METTL15: variants seen among roughly 807,000 people sequenced by gnomAD.
METTL15 encodes 12S rRNA N(4)-cytidine methyltransferase METTL15.
Under a neutral mutation model 38.3 loss-of-function variants are expected in METTL15, and 34 were observed. The ratio of observed to expected loss-of-function variants is 0.89; its 90% CI spans 0.68 to 1.18. The LOEUF is 1.18. Ranked by LOEUF, METTL15 falls within the 50% of genes most tolerant of loss-of-function variation. The pLI is 0.00. For missense variants in METTL15, 438 were observed against 498.4 expected (o/e 0.88, Z 1.15); for synonymous variants, 162 against 170.9 (o/e 0.95, Z 0.41).
rs189519489 is a variant in METTL15, at chr11:28,124,589, G to A, written c.270+10985G>A. ...TGACTGAGGCTTAGAAATGAGGGTGGAGAGAAACTGTGGTGTTGAGGGAAA... is the reference window on the plus strand; with the variant it reads ...TGACTGAGGCTTAGAAATGAGGGTGAAGAGAAACTGTGGTGTTGAGGGAAA... On this transcript the variant is annotated intron_variant, in intron 3 of 6. Transcript: ENST00000407364. 2.0e-5 allele frequency among the ~76,000 whole-genome samples: 3 copies of A among 152,208 alleles called. No individual in the cohort carries two copies. The East Asian group carries it at 5.8e-4, about 29-fold the overall frequency.
At chr11:28,120,070 G>C (rs1183593274) in intron 3 of METTL15, among the ~76,000 whole-genome samples, 1 of 152,056 alleles carries the variant, frequency 6.6e-6, no homozygotes, top group Admixed American at 6.6e-5. Flanking sequence ...TCCTGCCTCA[G>C]CCTCCTGAGT....
intron 3 of METTL15, among the ~76,000 whole-genome samples, chr11:28,180,492 A>G (rs1851243063): frequency 1.3e-5 from 2 of 151,778 alleles, no homozygotes; most frequent in South Asian, 2.1e-4. Flanking sequence ...GGTCTAGTCA[A>G]TGAGAACTAT....
intron 3 of METTL15, among the ~76,000 whole-genome samples, chr11:28,114,237 T>G (rs1273426881): frequency 1.3e-5 from 2 of 152,200 alleles, no homozygotes; most frequent in Non-Finnish European, 2.9e-5. Context: ...CATAGATATG[T>G]GGCATTTTTT....
At chr11:28,317,483 A>G (rs532788233) in intron 6 of METTL15, among the ~76,000 whole-genome samples, 48 of 152,062 alleles carry the variant, frequency 3.2e-4, no homozygotes, top group Non-Finnish European at 6.2e-4. Context: ...TTTAAACCCT[A>G]CCACTCAGGG....
chr11:28,362,534 A>G (rs1254932252), intron 5 of METTL15, among the ~76,000 whole-genome samples: 2 of 152,052 alleles, frequency 1.3e-5, no homozygotes, highest in Non-Finnish European at 2.9e-5. Context: ...TCCCATCTTT[A>G]TCATCATGTA....
chr11:28,353,290 T>C (rs988745897), intron 4 of METTL15, among the ~76,000 whole-genome samples: 1 of 152,300 alleles, frequency 6.6e-6, no homozygotes, highest in East Asian at 1.9e-4. Flanking sequence ...ATCTTACCTA[T>C]TGACAAGGAG....
At chr11:28,431,789 T>TAAAAAAAAAAAAAAA (rs1564929855) in intron 6 of METTL15, among the ~76,000 whole-genome samples, 1 of 9,950 alleles carries the variant, frequency 1.0e-4, no homozygotes, top group Non-Finnish European at 3.1e-4. Flanking sequence ...AAAAATAAAT[T>TAAAAAAAAAAAAAAA]TAAAAAAAAA....
At chr11:28,512,451 A>G (rs906478830) in intron 6 of METTL15, among the ~76,000 whole-genome samples, 4 of 152,166 alleles carry the variant, frequency 2.6e-5, no homozygotes, top group African/African-American at 4.8e-5. Context: ...CAGGCATGGC[A>G]GGCTGCAGGT....
At chr11:28,531,306 C>G (rs1234601009), downstream of METTL15, among the ~76,000 whole-genome samples, 1 of 151,978 alleles carries the variant, frequency 6.6e-6, no homozygotes, top group East Asian at 1.9e-4. Context: ...TTCCTTGTAT[C>G]ATGCTTTTAT....
At chr11:28,452,969 T>C (rs1453743996) in intron 6 of METTL15, among the ~76,000 whole-genome samples, 2 of 152,222 alleles carry the variant, frequency 1.3e-5, no homozygotes, top group Non-Finnish European at 2.9e-5. Context: ...CTTTACTAAA[T>C]CACATTGTCA....
chr11:28,293,933 C>T (rs1165388007), intron 5 of METTL15, among the ~76,000 whole-genome samples: 1 of 152,162 alleles, frequency 6.6e-6, no homozygotes, highest in Admixed American at 6.5e-5. Context: ...CTGAAGTTGC[C>T]TATCAGCTTA....
chr11:28,291,119 G>C (rs1441381942), intron 5 of METTL15, among the ~76,000 whole-genome samples: 1 of 145,562 alleles, frequency 6.9e-6, no homozygotes, highest in Admixed American at 7.0e-5. Flanking sequence ...GCATGATCTC[G>C]CACTGCAACC....
At chr11:28,443,276 G>C (rs1306086040) in intron 6 of METTL15, among the ~76,000 whole-genome samples, 1 of 151,818 alleles carries the variant, frequency 6.6e-6, no homozygotes, top group African/African-American at 2.4e-5. Context: ...TGGCTTCTGA[G>C]GCATAGCCGC....
At chr11:28,219,201 G>A (rs1853063405) in intron 4 of METTL15, among the ~76,000 whole-genome samples, 1 of 151,956 alleles carries the variant, frequency 6.6e-6, no homozygotes. Flanking sequence ...GACTTTTTTT[G>A]GTTGGTAAGC....
chr11:28,203,123 T>C (rs922366225), intron 3 of METTL15, among the ~76,000 whole-genome samples: 6 of 152,128 alleles, frequency 3.9e-5, no homozygotes, highest in Non-Finnish European at 7.4e-5. Flanking sequence ...ATGTATTCTT[T>C]AGAAAGGTGG....
chr11:28,281,007 A>G (rs934625409), intron 4 of METTL15, among the ~76,000 whole-genome samples: 4 of 151,828 alleles, frequency 2.6e-5, no homozygotes, highest in South Asian at 4.2e-4. Flanking sequence ...ATATTCCTTA[A>G]GCTTGGTATG....
At chr11:28,200,246 C>T (rs1852059614) in intron 3 of METTL15, among the ~76,000 whole-genome samples, 1 of 152,066 alleles carries the variant, frequency 6.6e-6, no homozygotes, top group South Asian at 2.1e-4. Flanking sequence ...ATTAGCTGTA[C>T]CTCAAACAAT....
At chr11:28,236,600 C>T (rs1447480760) in intron 4 of METTL15, among the ~76,000 whole-genome samples, 2 of 152,172 alleles carry the variant, frequency 1.3e-5, no homozygotes, top group African/African-American at 4.8e-5. Context: ...AGTCCATTTA[C>T]ATTTAAAGTT....
chr11:28,511,653 G>C (rs1851675283), intron 6 of METTL15, among the ~76,000 whole-genome samples: 1 of 152,168 alleles, frequency 6.6e-6, no homozygotes, highest in Admixed American at 6.5e-5. Context: ...CTCTGGAGTT[G>C]TTCGTTCCTC....
Sources: allele counts gnomAD v4.1 joint callset (sites outside exome capture counted in the v4.1 genomes callset), GRCh38; gene constraint gnomAD v4.1.1; transcripts MANE v1.5; gene names NCBI Gene and HGNC (gene_info 2026-07-23, HGNC 2026-07-21).